The following INO80D variants were observed in gnomAD, a reference collection of about 807,000 sequenced individuals.
INO80D encodes the protein INO80 complex subunit D.
A neutral mutation model predicts 87.6 loss-of-function variants in INO80D; 21 were observed. That is an observed-to-expected ratio of 0.24 (90% confidence interval 0.17 to 0.35). The LOEUF (loss-of-function observed/expected upper bound fraction) is 0.35, where lower values mean the gene tolerates loss of function less well. INO80D is among the 10% of genes least tolerant of loss of function. The probability of loss-of-function intolerance (pLI) is 1.00; values close to 1 mark genes in which losing one functional copy is unlikely to be tolerated. For synonymous variants in INO80D, 440 were observed against 491.0 expected, an observed-to-expected ratio of 0.90 and a Z score of 1.37; for missense variants, 982 against 1,280.7, an observed-to-expected ratio of 0.77 and a Z score of 3.56.
chr2:206,069,145 A>C (rs763017528), intron 1 of INO80D, among the ~76,000 whole-genome samples: 17 of 152,128 alleles, frequency 1.1e-4, no homozygotes, highest in Non-Finnish European at 1.8e-4. Flanking sequence ...ATTCAGTACA[A>C]AGGTTTGAAC....
rs897492931 is a variant in INO80D, at chr2:206,013,125, T to C, written c.1543-3331A>G. Among the ~76,000 whole-genome samples the C allele has an allele frequency of 2.0e-5, 3 of 152,224 alleles. No individual in the cohort carries two copies. The East Asian group carries it at 5.8e-4, about 29-fold the overall frequency. ...AATTTTGATTGTTATATAAAATATA[T>C]ATTATTTTATGACTAATTTACATTA... is the stretch of plus-strand genomic sequence containing the variant. On this transcript the variant is annotated intron_variant, in intron 8 of 10. Transcript: ENST00000403263.
At chr2:206,014,504 A>G (rs1559433641) in intron 8 of INO80D, among the ~76,000 whole-genome samples, 1 of 152,172 alleles carries the variant, frequency 6.6e-6, no homozygotes, top group Non-Finnish European at 1.5e-5. Context: ...GGCTTTAAAA[A>G]TGGGAGTTGC....
At position 206,063,045 on chromosome 2, in the gene INO80D, G is replaced by T; in HGVS notation, c.-29C>A. The T allele has an allele frequency of 1.3e-6, 2 of 1,488,828 alleles. No homozygotes were observed. Among genetic ancestry groups the T allele is most frequent in the African/African-American group, 1.4e-5 (1 of 72,444 alleles). The allele number at this position is 1,488,828 out of a possible 1,614,324, so 92.2% of individuals were successfully genotyped here. Reference sequence around the variant, plus strand: ...GTGACTCTATTCCTTGTGAACATCAGCTAAAAGGCCACCACAAAAAAAGAA... The same window carrying T: ...GTGACTCTATTCCTTGTGAACATCATCTAAAAGGCCACCACAAAAAAAGAA... On this transcript the variant is annotated splice_region_variant and 5_prime_UTR_variant, in exon 3 of 11. In the 5' UTR this introduces an upstream ATG that the reference lacks. Coordinates refer to ENST00000403263, the MANE Select transcript of INO80D (RefSeq NM_017759.5).
intron 6 of INO80D, among the ~76,000 whole-genome samples, chr2:206,023,553 C>T (rs977214644): frequency 6.6e-6 from 1 of 150,972 alleles, no homozygotes; most frequent in South Asian, 2.1e-4. Context: ...CATAGTGGCG[C>T]ATGCCTGTAG....
intron 1 of INO80D, among the ~76,000 whole-genome samples, chr2:206,070,087 C>T (rs1689921231): frequency 6.6e-6 from 1 of 151,630 alleles, no homozygotes; most frequent in Non-Finnish European, 1.5e-5. Flanking sequence ...CCAGCCTGGG[C>T]AACAGAGCGA....
intron 4 of INO80D, among the ~76,000 whole-genome samples, chr2:206,053,010 C>A (rs1357095672): frequency 1.3e-5 from 2 of 151,982 alleles, no homozygotes; most frequent in African/African-American, 4.8e-5. Context: ...AATACTACTA[C>A]CCAGGGCTGA....
At chr2:206,040,150 G>A (rs1331015553) in intron 5 of INO80D, among the ~76,000 whole-genome samples, 6 of 151,534 alleles carry the variant, frequency 4.0e-5, no homozygotes, top group South Asian at 2.1e-4. Flanking sequence ...AAAATTAGCC[G>A]GGCGTAGTGG....
rs188633902 is a variant in INO80D, at chr2:206,004,698, T to C, written c.2754A>G (p.Leu918=). The C allele has an allele frequency of 3.7e-6, 6 of 1,613,352 alleles. No individual in the cohort carries two copies. Among genetic ancestry groups the C allele is most frequent in the Non-Finnish European group, 5.1e-6 (6 of 1,179,744 alleles). ...GADGHLLSTS[L]STPPTTSNSE... is the part of the protein sequence containing the mutation. The stretch of plus-strand genomic sequence containing the variant: ...AGTTCGAAGTGGTGGGTGGCGTGGA[T>C]AGGGAAGTGGAAAGAAGATGTCCAT... Residue 918 remains leucine (L), a synonymous_variant, in exon 11 of 11, where the codon CTA becomes CTG. Coordinates refer to ENST00000403263, the MANE Select transcript of INO80D (RefSeq NM_017759.5). This position sits in a 1 kb window ranked among gnomAD's most constrained non-coding sequence, Gnocchi z 4.9.
intron 1 of INO80D, among the ~76,000 whole-genome samples, chr2:206,067,302 C>CT (rs1048111679): frequency 3.3e-5 from 5 of 150,334 alleles, no homozygotes; most frequent in African/African-American, 9.8e-5. Context: ...AAGACAAAGA[C>CT]TGGGAAAGGT....
At chr2:206,063,126 G>A (rs17286674) in intron 2 of INO80D, 25 bp downstream of exon 2, 230,203 of 744,180 alleles carry the variant, frequency 0.31, 39,128 homozygotes, top group Non-Finnish European at 0.36. Flanking sequence ...ATTTCACTGA[G>A]GGACTTCTGG....
chr2:206,038,667 C>A (rs978560650), intron 5 of INO80D, among the ~76,000 whole-genome samples: 5 of 152,002 alleles, frequency 3.3e-5, no homozygotes, highest in African/African-American at 4.8e-5. Flanking sequence ...CCCATCTCTA[C>A]AACAAAATGC....
intron 5 of INO80D, among the ~76,000 whole-genome samples, chr2:206,037,696 T>G (rs1328958059): frequency 6.6e-6 from 1 of 152,156 alleles, no homozygotes; most frequent in Non-Finnish European, 1.5e-5. Context: ...ACTATAGAAC[T>G]TCCATTCAAC....
At chr2:206,063,268 G>A in intron 1 of INO80D, 24 bp from the exon 2 acceptor site, 2 of 533,350 alleles carry the variant, frequency 3.7e-6, no homozygotes, top group Non-Finnish European at 6.5e-6. Flanking sequence ...AAAAGGCCTA[G>A]TTAACAAACA....
intron 8 of INO80D, among the ~76,000 whole-genome samples, chr2:206,012,195 G>A (rs994270910): frequency 1.3e-5 from 2 of 152,184 alleles, no homozygotes; most frequent in Non-Finnish European, 2.9e-5. Context: ...ATGACATTCT[G>A]GAAAATACAG....
rs1314683376 is a variant in INO80D, at chr2:206,012,422, T to G, written c.1543-2628A>C. Among the ~76,000 whole-genome samples, 3 of 152,162 alleles carry G rather than the reference T, an allele frequency of 2.0e-5. No individual in the cohort carries two copies. The East Asian group carries it at 5.8e-4, about 29-fold the overall frequency. On this transcript the variant is annotated intron_variant, in intron 8 of 10. Transcript: ENST00000403263. ...CACACCCAGCCTACTCTGGCTGCTATGTAAACAACATACCCCCTATGGCAG... is the reference window on the plus strand; with the variant it reads ...CACACCCAGCCTACTCTGGCTGCTAGGTAAACAACATACCCCCTATGGCAG...
intron 1 of INO80D, among the ~76,000 whole-genome samples, chr2:206,078,584 C>A (rs1414841161): frequency 6.6e-6 from 1 of 152,034 alleles, no homozygotes; most frequent in Non-Finnish European, 1.5e-5. Context: ...TCACTTGAGC[C>A]CCTTTGTTTG....
At chr2:206,083,774 G>GA (rs1690349045) in intron 1 of INO80D, among the ~76,000 whole-genome samples, 1 of 144,182 alleles carries the variant, frequency 6.9e-6, no homozygotes, top group African/African-American at 2.6e-5. Flanking sequence ...TGAGTGGGCA[G>GA]AATGTGGGAC....
chr2:206,047,131 C>T (rs1689217386), intron 4 of INO80D, among the ~76,000 whole-genome samples: 1 of 152,108 alleles, frequency 6.6e-6, no homozygotes, highest in South Asian at 2.1e-4. Flanking sequence ...CTATATTCCA[C>T]AGATGAACTT....
intron 1 of INO80D, among the ~76,000 whole-genome samples, chr2:206,083,860 CAAAAA>C (rs35840816): frequency 6.0e-5 from 6 of 99,584 alleles, no homozygotes; most frequent in Non-Finnish European, 6.2e-5. Flanking sequence ...CTAAGCTCAC[CAAAAA>C]AAAAAAAAAA....
Sources: gnomAD v4.1 joint callset for allele counts (sites outside exome capture counted in the v4.1 genomes callset) on GRCh38, gnomAD v4.1.1 for gene constraint, Gnocchi (gnomAD v3.1) non-coding constraint, MANE v1.5 for transcripts, NCBI Gene and HGNC (gene_info 2026-07-23, HGNC 2026-07-21) for gene names.